Variants in TMEFF2 observed in about 807,000 individuals in gnomAD.
The protein encoded by TMEFF2 is transmembrane protein with EGF like and two follistatin like domains 2.
Under a neutral mutation model 53.8 loss-of-function variants are expected in TMEFF2, and 28 were observed. That is an observed-to-expected ratio of 0.52 (90% confidence interval 0.39 to 0.71). The LOEUF (loss-of-function observed/expected upper bound fraction) is 0.71. TMEFF2 is among the 30% of genes least tolerant of loss of function. TMEFF2 has a pLI of 0.00. For synonymous variants in TMEFF2, 162 were observed against 166.3 expected (o/e 0.97, Z 0.20); for missense variants, 353 against 455.2 (o/e 0.78, Z 2.04).
At chr2:192,172,054 G>A (rs1159708551) in intron 4 of TMEFF2, among the ~76,000 whole-genome samples, 1 of 151,932 alleles carries the variant, frequency 6.6e-6, no homozygotes, top group African/African-American at 2.4e-5. Context: ...GCTGAAGAGA[G>A]CTGCCTGGCC....
chr2:192,155,825 G>A (rs944329791), intron 4 of TMEFF2, among the ~76,000 whole-genome samples: 3 of 151,860 alleles, frequency 2.0e-5, no homozygotes, highest in African/African-American at 7.2e-5. Flanking sequence ...AAAAAGATGA[G>A]GCCTAACACT....
chr2:192,023,006 CTTTT>C (rs201707338), intron 5 of TMEFF2, among the ~76,000 whole-genome samples: 1 of 151,168 alleles, frequency 6.6e-6, no homozygotes, highest in African/African-American at 2.4e-5. Flanking sequence ...ATTTTTTTAT[CTTTT>C]TTTTTACTTG....
intron 3 of TMEFF2, 31 bp downstream of exon 3, chr2:192,184,323 C>A: frequency 1.2e-6 from 2 of 1,609,410 alleles, no homozygotes; most frequent in Non-Finnish European, 1.7e-6. Context: ...GGAATCCATG[C>A]AGAAGGTTTC....
At chr2:192,119,549 A>C (rs187502442) in intron 4 of TMEFF2, among the ~76,000 whole-genome samples, 19 of 152,338 alleles carry the variant, frequency 1.2e-4, no homozygotes, top group Admixed American at 6.5e-4. Flanking sequence ...TAGACCAATG[A>C]CTTCCAATTG....
chr2:192,017,149 C>T (rs967822517), intron 5 of TMEFF2, among the ~76,000 whole-genome samples: 3 of 152,124 alleles, frequency 2.0e-5, no homozygotes, highest in Admixed American at 1.3e-4. Context: ...GTTTAAGGAG[C>T]TACAGGTGGC....
intron 4 of TMEFF2, among the ~76,000 whole-genome samples, chr2:192,123,079 A>G (rs1689596123): frequency 6.6e-6 from 1 of 152,170 alleles, no homozygotes; most frequent in African/African-American, 2.4e-5. Context: ...AAGCCACCAC[A>G]TTGCTGCACT....
rs1686173896 is a variant in TMEFF2, at chr2:191,994,400, A to G, written c.745+3862T>C. Among the ~76,000 whole-genome samples the G allele has an allele frequency of 4.0e-5, 6 of 151,832 alleles. No individual in the cohort carries two copies. The South Asian group carries it at 1.2e-3, about 31-fold the overall frequency. On this transcript the variant is annotated intron_variant, in intron 7 of 9. Transcript: ENST00000272771. ...TTTATAAAATATCTAACAACTTATAAAATTAAGTACATTTTTACTGGAAAA... is the reference window on the plus strand; with the variant it reads ...TTTATAAAATATCTAACAACTTATAGAATTAAGTACATTTTTACTGGAAAA...
intron 9 of TMEFF2, among the ~76,000 whole-genome samples, chr2:191,952,670 T>G (rs535656765): frequency 3.3e-5 from 5 of 152,296 alleles, no homozygotes; most frequent in African/African-American, 1.2e-4. Context: ...TGAACCATAT[T>G]TTGTCTTTTT....
At chr2:191,964,404 CTTTCTT>C (rs1485893856) in intron 7 of TMEFF2, among the ~76,000 whole-genome samples, 19 of 74,496 alleles carry the variant, frequency 2.6e-4, no homozygotes, top group African/African-American at 5.1e-4. Context: ...CTTTCTCTTT[CTTTCTT>C]TCTTTCTTTC....
chr2:192,003,914 T>TG (rs1686428612), intron 5 of TMEFF2, among the ~76,000 whole-genome samples: 1 of 46,334 alleles, frequency 2.2e-5, no homozygotes, highest in Non-Finnish European at 6.2e-5. Context: ...AGTGAAAAAA[T>TG]TTGTGTGTGT....
At chr2:192,014,431 A>C (rs1686701508) in intron 5 of TMEFF2, among the ~76,000 whole-genome samples, 1 of 152,164 alleles carries the variant, frequency 6.6e-6, no homozygotes, top group Non-Finnish European at 1.5e-5. Flanking sequence ...TCTCTGTCTG[A>C]ATCTCCTTAT....
chr2:192,156,843 G>C (rs1690517585), intron 4 of TMEFF2, among the ~76,000 whole-genome samples: 1 of 152,140 alleles, frequency 6.6e-6, no homozygotes, highest in Non-Finnish European at 1.5e-5. Context: ...CCACGCAGAA[G>C]GATCACTGGG....
intron 5 of TMEFF2, among the ~76,000 whole-genome samples, chr2:192,026,236 A>T (rs1458042713): frequency 6.6e-6 from 1 of 152,122 alleles, no homozygotes; most frequent in Non-Finnish European, 1.5e-5. Flanking sequence ...TGGCTGCCAG[A>T]CCTTCCTGGA....
intron 3 of TMEFF2, among the ~76,000 whole-genome samples, chr2:192,182,790 T>C (rs1300984480): frequency 1.3e-5 from 2 of 152,008 alleles, no homozygotes; most frequent in Non-Finnish European, 2.9e-5. Flanking sequence ...GCCTTCATCC[T>C]TCCTGGTTCC....
chr2:192,003,928 T>TGGGGGG (rs372342056), intron 5 of TMEFF2, among the ~76,000 whole-genome samples: 6 of 119,294 alleles, frequency 5.0e-5, no homozygotes, highest in Non-Finnish European at 9.3e-5. Context: ...TGTGTGTGTG[T>TGGGGGG]GGGGGGGGGG....
intron 4 of TMEFF2, among the ~76,000 whole-genome samples, chr2:192,064,021 T>G (rs1249983326): frequency 6.6e-6 from 1 of 151,850 alleles, no homozygotes; most frequent in Non-Finnish European, 1.5e-5. Context: ...TGTTTAGTCC[T>G]TTTACTTCAA....
intron 4 of TMEFF2, among the ~76,000 whole-genome samples, chr2:192,066,800 AGCAGGTTACTAT>A (rs529507425): frequency 1.2e-3 from 176 of 151,976 alleles, no homozygotes; most frequent in African/African-American, 4.0e-3. Context: ...ATTCATTTAG[AGCAGGTTACTAT>A]GCCAGACTTC....
chr2:192,096,186 A>G (rs1688898786), intron 4 of TMEFF2, among the ~76,000 whole-genome samples: 4 of 152,188 alleles, frequency 2.6e-5, no homozygotes. Flanking sequence ...TCCCCCATTA[A>G]TGTTACAATG....
At chr2:191,986,015 A>G (rs1266406855) in intron 7 of TMEFF2, among the ~76,000 whole-genome samples, 3 of 152,202 alleles carry the variant, frequency 2.0e-5, no homozygotes, top group South Asian at 2.1e-4. Context: ...TCCTTGAGCT[A>G]TGAAAGTTTT....
Sources: allele counts gnomAD v4.1 joint callset (sites outside exome capture counted in the v4.1 genomes callset), GRCh38; gene constraint gnomAD v4.1.1; transcripts MANE v1.5; gene names NCBI Gene and HGNC (gene_info 2026-07-23, HGNC 2026-07-21).